Variants in ADGRL3 observed in about 807,000 individuals in gnomAD.
The protein encoded by ADGRL3 is adhesion G protein-coupled receptor L3.
In ADGRL3, 62 loss-of-function variants were observed where a neutral mutation model predicts 153.5. The observed-to-expected ratio is 0.40, with a 90% CI of 0.33 to 0.50. The LOEUF is 0.50. Ranked by LOEUF, ADGRL3 falls within the 20% of genes least tolerant of loss-of-function variation. The pLI is 0.47. For missense variants in ADGRL3, 1,641 were observed against 1,859.4 expected (o/e 0.88, Z 2.16); for synonymous variants, 710 against 672.5 (o/e 1.06, Z -0.86).
chr4:61,697,636 C>T (rs2095666418), intron 6 of ADGRL3, among the ~76,000 whole-genome samples: 1 of 151,434 alleles, frequency 6.6e-6, no homozygotes, highest in Admixed American at 6.6e-5. Context: ...AATAAATAGG[C>T]CTCAATAAAG....
chr4:61,972,750 G>A (rs901513481), intron 17 of ADGRL3, among the ~76,000 whole-genome samples: 1 of 152,084 alleles, frequency 6.6e-6, no homozygotes, highest in African/African-American at 2.4e-5. Flanking sequence ...ACCTTGGGCA[G>A]TATGGCCATT....
chr4:62,020,406 T>G (rs2099232592), intron 21 of ADGRL3, among the ~76,000 whole-genome samples: 1 of 152,074 alleles, frequency 6.6e-6, no homozygotes, highest in South Asian at 2.1e-4. Context: ...TTCTAAGGAA[T>G]TCAAGGCTCA....
chr4:61,752,659 C>T (rs2096771382), intron 8 of ADGRL3, among the ~76,000 whole-genome samples: 1 of 151,416 alleles, frequency 6.6e-6, no homozygotes, highest in South Asian at 2.1e-4. Context: ...TGGCTGGGCA[C>T]AGAGGCTCAC....
intron 21 of ADGRL3, among the ~76,000 whole-genome samples, chr4:62,019,834 TA>T (rs1403453895): frequency 6.6e-6 from 1 of 152,184 alleles, no homozygotes; most frequent in Non-Finnish European, 1.5e-5. Flanking sequence ...AAGCTTTTAC[TA>T]ATTTATAACT....
intron 5 of ADGRL3, among the ~76,000 whole-genome samples, chr4:61,608,489 A>G (rs1189313041): frequency 6.6e-6 from 1 of 152,216 alleles, no homozygotes; most frequent in East Asian, 1.9e-4. Context: ...TTAGAAATGC[A>G]AAAGGAAAAA....
chr4:61,587,569 T>C, intron 5 of ADGRL3, 129 bp downstream of exon 5: 2 of 667,264 alleles, frequency 3.0e-6, no homozygotes, highest in Non-Finnish European at 4.9e-6. Context: ...AGTTTTTCCA[T>C]ATCTGACTAT....
At chr4:61,804,661 C>T (rs774613923) in intron 8 of ADGRL3, among the ~76,000 whole-genome samples, 3 of 152,246 alleles carry the variant, frequency 2.0e-5, no homozygotes, top group African/African-American at 4.8e-5. Flanking sequence ...ATTCTAATTC[C>T]CTTATAGATC....
At chr4:61,686,040 T>A (rs2095436448) in intron 6 of ADGRL3, among the ~76,000 whole-genome samples, 1 of 151,944 alleles carries the variant, frequency 6.6e-6, no homozygotes, top group Non-Finnish European at 1.5e-5. Flanking sequence ...AGGAAAATAT[T>A]TGGTTTAGGA....
intron 2 of ADGRL3, among the ~76,000 whole-genome samples, chr4:61,418,882 G>C (rs567585160): frequency 2.0e-5 from 3 of 150,406 alleles, no homozygotes; most frequent in Non-Finnish European, 4.4e-5. Context: ...AACTTCTATC[G>C]TGTATAAAAA....
intron 1 of ADGRL3, among the ~76,000 whole-genome samples, chr4:61,224,996 G>C (rs900056317): frequency 1.3e-5 from 2 of 152,144 alleles, no homozygotes; most frequent in African/African-American, 4.8e-5. Context: ...GAATGGGGAA[G>C]GACAAAGCAT....
intron 5 of ADGRL3, among the ~76,000 whole-genome samples, chr4:61,663,460 G>A (rs141361085): frequency 3.9e-5 from 6 of 152,322 alleles, no homozygotes; most frequent in African/African-American, 1.4e-4. Flanking sequence ...CTACCCCACC[G>A]CAGCCGGTGT....
chr4:61,541,377 C>T (rs1051624549), intron 4 of ADGRL3, among the ~76,000 whole-genome samples: 6 of 133,926 alleles, frequency 4.5e-5, no homozygotes, highest in Non-Finnish European at 4.7e-5. Flanking sequence ...TTTTCTGACA[C>T]CTGGGCAAGT....
chr4:62,006,342 T>G (rs1462390378), intron 21 of ADGRL3, among the ~76,000 whole-genome samples: 1 of 151,948 alleles, frequency 6.6e-6, no homozygotes, highest in East Asian at 1.9e-4. Flanking sequence ...ATGTAGATTC[T>G]AAGAGAATGG....
At chr4:61,464,070 A>T (rs2097853347) in intron 2 of ADGRL3, among the ~76,000 whole-genome samples, 1 of 152,142 alleles carries the variant, frequency 6.6e-6, no homozygotes, top group Non-Finnish European at 1.5e-5. Flanking sequence ...ATTAATAAAA[A>T]ATGGTTTGGT....
intron 1 of ADGRL3, among the ~76,000 whole-genome samples, chr4:61,370,950 C>A (rs1578484510): frequency 1.3e-5 from 2 of 150,526 alleles, no homozygotes; most frequent in South Asian, 4.2e-4. Flanking sequence ...ATAGTTAGCT[C>A]TTCTTGTTGA....
intron 2 of ADGRL3, among the ~76,000 whole-genome samples, chr4:61,403,059 T>G (rs1379669287): frequency 1.5e-5 from 1 of 68,902 alleles, no homozygotes; most frequent in Non-Finnish European, 3.6e-5. Flanking sequence ...TTCCTCTTTG[T>G]GTGCACACAG....
intron 15 of ADGRL3, among the ~76,000 whole-genome samples, chr4:61,941,224 G>C (rs71608810): frequency 0.024 from 2,136 of 89,600 alleles, 7 homozygotes; most frequent in East Asian, 0.067. Flanking sequence ...TCAGGTTTGT[G>C]AAAGATCAGA....
chr4:61,916,792 A>C (rs1354767322), intron 13 of ADGRL3, among the ~76,000 whole-genome samples: 1 of 152,082 alleles, frequency 6.6e-6, no homozygotes, highest in Non-Finnish European at 1.5e-5. Flanking sequence ...GTCTTCACTA[A>C]AAATACAAAA....
intron 13 of ADGRL3, among the ~76,000 whole-genome samples, chr4:61,923,424 T>G (rs2098779452): frequency 6.7e-6 from 1 of 149,304 alleles, no homozygotes; most frequent in African/African-American, 2.6e-5. Context: ...AGCCTGTCCC[T>G]TACTCTCTTT....
Sources: allele counts gnomAD v4.1 joint callset (sites outside exome capture counted in the v4.1 genomes callset), GRCh38; gene constraint gnomAD v4.1.1; transcripts MANE v1.5; gene names NCBI Gene and HGNC (gene_info 2026-07-23, HGNC 2026-07-21).